TCOF1: variants seen among roughly 807,000 people sequenced by gnomAD.
The protein encoded by TCOF1 is treacle ribosome biogenesis factor 1.
Under a neutral mutation model 149.0 loss-of-function variants are expected in TCOF1, and 33 were observed. That is an observed-to-expected ratio of 0.22 (90% CI 0.17 to 0.30). The LOEUF (loss-of-function observed/expected upper bound fraction) is 0.30, where lower values mean the gene tolerates loss of function less well. Ranked by LOEUF, TCOF1 falls within the 10% of genes least tolerant of loss-of-function variation. The probability of loss-of-function intolerance (pLI) is 1.00; values close to 1 mark genes in which losing one functional copy is unlikely to be tolerated. For missense variants in TCOF1, 1,728 were observed against 1,840.7 expected (o/e 0.94, Z 1.12); for synonymous variants, 789 against 738.8 (o/e 1.07, Z -1.10).
At chr5:150,398,030 C>T (rs1251879693) in intron 24 of TCOF1, among the ~76,000 whole-genome samples, 5 of 152,214 alleles carry the variant, frequency 3.3e-5, no homozygotes, top group African/African-American at 2.4e-5. Context: ...TCAAGCGATC[C>T]TCTTGCTTCA....
Position 150,379,657 on chromosome 5 carries a change from G to A in TCOF1, c.2784G>A (p.Lys928=). The part of the protein sequence containing the change: ...KTGPSAAQAG[K]QDDSGSSSEE... Reference sequence around the variant, plus strand: ...GGCCTTCGGCTGCCCAGGCAGGGAAGCAGGATGACTCAGGGAGCAGCAGCG... The same window carrying A: ...GGCCTTCGGCTGCCCAGGCAGGGAAACAGGATGACTCAGGGAGCAGCAGCG... The change falls in exon 17 of 27, where the codon AAG becomes AAA. Residue 928 remains lysine, a synonymous_variant. Transcript: ENST00000643257. 6.2e-7 allele frequency: 1 copy of A among 1,613,706 alleles called. No individual in the cohort carries two copies. The highest frequency in any genetic ancestry group is 8.5e-7 in the Non-Finnish European group (1 of 1,179,910).
At chr5:150,393,798 A>C in intron 23 of TCOF1, 1 of 533,090 alleles carries the variant, frequency 1.9e-6, no homozygotes, top group Admixed American at 3.1e-5. Context: ...CAGATTGCTC[A>C]AGCCCAGGAG....
intron 7 of TCOF1, among the ~76,000 whole-genome samples, chr5:150,373,843 A>AG (rs922184491): frequency 5.9e-5 from 9 of 152,308 alleles, no homozygotes; most frequent in African/African-American, 2.2e-4. Flanking sequence ...AGCCCAGCAG[A>AG]GGACAGGCTC....
intron 20 of TCOF1, 31 bp from the exon 21 acceptor site, chr5:150,391,926 C>A (rs1368826400): frequency 1.2e-6 from 2 of 1,610,896 alleles, no homozygotes. Flanking sequence ...CCTAATTTTT[C>A]CTTCCATTCC....
At chr5:150,370,409 G>A (rs1325040850) in intron 6 of TCOF1, among the ~76,000 whole-genome samples, 2 of 152,240 alleles carry the variant, frequency 1.3e-5, no homozygotes, top group Non-Finnish European at 2.9e-5. Flanking sequence ...AAGCTGGAGT[G>A]CAGTAGCGCG....
intron 23 of TCOF1, among the ~76,000 whole-genome samples, chr5:150,395,512 G>T (rs1161760141): frequency 6.6e-6 from 1 of 151,822 alleles, no homozygotes; most frequent in Non-Finnish European, 1.5e-5. Flanking sequence ...GCGACAAGGA[G>T]ACATTTTAGA....
intron 1 of TCOF1, among the ~76,000 whole-genome samples, chr5:150,359,981 C>A (rs114941450): frequency 6.6e-6 from 1 of 152,026 alleles, no homozygotes; most frequent in African/African-American, 2.4e-5. Context: ...AGAGAACATT[C>A]CAGACAAGAA....
At chr5:150,370,025 C>A (rs1261358246) in intron 6 of TCOF1, among the ~76,000 whole-genome samples, 4 of 152,146 alleles carry the variant, frequency 2.6e-5, no homozygotes, top group Non-Finnish European at 5.9e-5. Context: ...GGGTTCTGGG[C>A]CAACTGGTGA....
intron 15 of TCOF1, 89 bp downstream of exon 15, chr5:150,379,131 C>CATGGGCAGG: frequency 6.2e-7 from 1 of 1,613,800 alleles, no homozygotes; most frequent in Non-Finnish European, 8.5e-7. Flanking sequence ...AAGGTGCGTG[C>CATGGGCAGG]ATGGGCAGGC....
At chr5:150,387,657 C>G (rs1766559393) in intron 17 of TCOF1, among the ~76,000 whole-genome samples, 1 of 152,138 alleles carries the variant, frequency 6.6e-6, no homozygotes, top group Non-Finnish European at 1.5e-5. Flanking sequence ...GGAGCTGATC[C>G]TGCTGAATGT....
chr5:150,383,702 C>G (rs189840046), intron 17 of TCOF1: 1 of 1,548,878 alleles, frequency 6.5e-7, no homozygotes, highest in Non-Finnish European at 8.7e-7. Flanking sequence ...AAACGCTGGT[C>G]CCCTGGCTCC....
chr5:150,370,403 T>A (rs111376754), intron 6 of TCOF1, among the ~76,000 whole-genome samples: 12,173 of 152,248 alleles, frequency 0.08, 540 homozygotes, highest in African/African-American at 0.11. Flanking sequence ...TCACCCAAGC[T>A]GGAGTGCAGT....
intron 19 of TCOF1, among the ~76,000 whole-genome samples, chr5:150,390,426 C>G (rs1209719018): frequency 1.3e-5 from 2 of 152,238 alleles, no homozygotes; most frequent in East Asian, 3.9e-4. Context: ...TGGTCCTTGC[C>G]TGAATCTAAA....
chr5:150,376,273 C>CAGTGAGGAATCAGAT lies in TCOF1; in HGVS notation c.2095_2109dup (p.Ser699_Glu703dup). 2 of 1,614,184 alleles carry CAGTGAGGAATCAGAT rather than the reference C, an allele frequency of 1.2e-6. No individual in the cohort carries two copies. The highest frequency in any genetic ancestry group is 1.7e-6 in the Non-Finnish European group (2 of 1,180,032). On this transcript the variant is annotated inframe_insertion, in exon 13 of 27. Transcript: ENST00000643257. ...AGAGACCAGCAGAGGATTCTTCAAG[C>CAGTGAGGAATCAGAT]AGTGAGGAATCAGATAGTGAGGAAG...
At chr5:150,369,476 G>T in intron 5 of TCOF1, 53 bp from the exon 6 acceptor site, 1 of 1,603,946 alleles carries the variant, frequency 6.2e-7, no homozygotes, top group Non-Finnish European at 8.5e-7. Flanking sequence ...CTGGGGAGGG[G>T]CAGGTGAGGC....
rs562342523 is a variant in TCOF1 at position 150,363,735 on chromosome 5, C to T, written c.165-378C>T. On this transcript the variant is annotated intron_variant, in intron 2 of 26. Coordinates refer to ENST00000643257, the MANE Select transcript of TCOF1 (RefSeq NM_001371623.1). Reference sequence around the variant, plus strand: ...TACATTAAAGTTGAGACGGGAAGGACGAGGACCTGGGCAGAGTCTTCCAAG... The same window carrying T: ...TACATTAAAGTTGAGACGGGAAGGATGAGGACCTGGGCAGAGTCTTCCAAG... 8.5e-5 allele frequency among the ~76,000 whole-genome samples: 13 copies of T among 152,254 alleles called. No homozygotes were observed. In the South Asian group the frequency reaches 1.9e-3, roughly 22 times the overall value.
At chr5:150,365,348 G>A (rs987010257) in intron 3 of TCOF1, among the ~76,000 whole-genome samples, 2 of 151,208 alleles carry the variant, frequency 1.3e-5, no homozygotes, top group Non-Finnish European at 2.9e-5. Context: ...CAAAAGGGCT[G>A]GGATTACAGG....
chr5:150,370,078 G>A (rs979726595), intron 6 of TCOF1, among the ~76,000 whole-genome samples: 1 of 152,172 alleles, frequency 6.6e-6, no homozygotes, highest in African/African-American at 2.4e-5. Context: ...CAGGACTCTT[G>A]GGTTTGTGAA....
chr5:150,379,642 T>A lies in TCOF1; in HGVS notation c.2769T>A (p.Ala923=), dbSNP rs1473130029. 1 of 1,613,002 alleles carries A rather than the reference T, an allele frequency of 6.2e-7. No homozygotes were observed. The highest frequency in any genetic ancestry group is 1.1e-5 in the South Asian group (1 of 91,024). The part of the protein sequence containing the change: ...PTPPGKTGPS[A]AQAGKQDDSG... Reference sequence around the variant, plus strand: ...CTCCTGGGAAGACAGGGCCTTCGGCTGCCCAGGCAGGGAAGCAGGATGACT... The same window carrying A: ...CTCCTGGGAAGACAGGGCCTTCGGCAGCCCAGGCAGGGAAGCAGGATGACT... Residue 923 remains alanine (A), a synonymous_variant, in exon 17 of 27, where the codon GCT becomes GCA. Coordinates refer to ENST00000643257, the MANE Select transcript of TCOF1 (RefSeq NM_001371623.1).
Sources: gnomAD v4.1 joint callset for allele counts (sites outside exome capture counted in the v4.1 genomes callset) on GRCh38, gnomAD v4.1.1 for gene constraint, MANE v1.5 for transcripts, NCBI Gene and HGNC (gene_info 2026-07-23, HGNC 2026-07-21) for gene names.